MAGI2: variants seen among roughly 807,000 people sequenced by gnomAD.
MAGI2 encodes membrane-associated guanylate kinase, WW and PDZ domain-containing protein 2.
A neutral mutation model predicts 133.3 loss-of-function variants in MAGI2; 35 were observed. The ratio of observed to expected loss-of-function variants is 0.26; its 90% CI spans 0.20 to 0.35. The LOEUF is 0.35. MAGI2 is among the 10% of genes least tolerant of loss of function. The pLI is 1.00. For synonymous variants in MAGI2, 729 were observed against 710.6 expected (o/e 1.03, Z -0.41); for missense variants, 1,636 against 1,863.4 (o/e 0.88, Z 2.25).
chr7:78,303,721 C>T (rs939778445), intron 9 of MAGI2, among the ~76,000 whole-genome samples: 3 of 152,156 alleles, frequency 2.0e-5, no homozygotes, highest in Non-Finnish European at 4.4e-5. Context: ...TGGGAATGCA[C>T]TATGCAAATG....
intron 6 of MAGI2, among the ~76,000 whole-genome samples, chr7:78,437,584 G>C (rs1318026403): frequency 3.3e-5 from 5 of 152,174 alleles, no homozygotes; most frequent in Non-Finnish European, 4.4e-5. Flanking sequence ...GCAGATGGGA[G>C]TCAAGGGTAT....
intron 6 of MAGI2, among the ~76,000 whole-genome samples, chr7:78,402,576 T>C (rs1796991387): frequency 6.6e-6 from 1 of 152,182 alleles, no homozygotes; most frequent in African/African-American, 2.4e-5. Context: ...TTACAAAGTT[T>C]ATGATAATAT....
intron 10 of MAGI2, among the ~76,000 whole-genome samples, chr7:78,240,325 A>C (rs1022110231): frequency 2.0e-5 from 3 of 151,746 alleles, no homozygotes; most frequent in Non-Finnish European, 2.9e-5. Context: ...ATCCTTTTTT[A>C]TGGCTGCATA....
chr7:78,445,271 AATT>A (rs1788019562), intron 6 of MAGI2, among the ~76,000 whole-genome samples: 3 of 152,150 alleles, frequency 2.0e-5, no homozygotes, highest in East Asian at 1.9e-4. Flanking sequence ...AAAAATTTTA[AATT>A]ATTAGGAGCT....
intron 2 of MAGI2, among the ~76,000 whole-genome samples, chr7:78,664,986 G>A (rs1386368392): frequency 6.6e-6 from 1 of 151,836 alleles, no homozygotes; most frequent in Non-Finnish European, 1.5e-5. Flanking sequence ...ATTTCTCTGA[G>A]GCATAATGTC....
chr7:78,893,318 G>A (rs1225325591), intron 2 of MAGI2, among the ~76,000 whole-genome samples: 1 of 152,232 alleles, frequency 6.6e-6, no homozygotes, highest in East Asian at 1.9e-4. Context: ...GGAAGTTGGT[G>A]TGGGAATTCC....
chr7:78,089,501 A>G (rs1462647871), intron 20 of MAGI2, among the ~76,000 whole-genome samples: 1 of 152,240 alleles, frequency 6.6e-6, no homozygotes, highest in East Asian at 1.9e-4. Context: ...CAAGAACAAG[A>G]CAAAAATCAA....
chr7:78,813,125 A>G (rs1393129131), intron 2 of MAGI2, among the ~76,000 whole-genome samples: 1 of 152,148 alleles, frequency 6.6e-6, no homozygotes, highest in African/African-American at 2.4e-5. Context: ...ATTCTCTCAA[A>G]TATTTTAGAA....
chr7:78,821,786 A>G (rs969632515), intron 2 of MAGI2, among the ~76,000 whole-genome samples: 5 of 152,034 alleles, frequency 3.3e-5, no homozygotes, highest in African/African-American at 1.2e-4. Context: ...AATATATCCC[A>G]GGTGTGTTAT....
At chr7:78,295,626 C>A (rs1797151154) in intron 9 of MAGI2, among the ~76,000 whole-genome samples, 1 of 152,168 alleles carries the variant, frequency 6.6e-6, no homozygotes, top group Admixed American at 6.5e-5. Context: ...ACTACACTAG[C>A]AATTGCTAGT....
chr7:78,647,912 C>T lies in MAGI2; in HGVS notation c.419-20673G>A, dbSNP rs113541788. On this transcript the variant is annotated intron_variant, in intron 2 of 21. Transcript: ENST00000354212. The stretch of plus-strand genomic sequence containing the variant: ...ATCACAAGGACAGAAAACCAAACAC[C>T]GCATGTTCTCAGTCACAAGTGGGAG... Among the ~76,000 whole-genome samples the T allele has an allele frequency of 2.3e-3, 352 of 152,182 alleles. 1 individual carries two copies. Among genetic ancestry groups the T allele is most frequent in the African/African-American group, 5.1e-3 (210 of 41,524 alleles).
rs573432513 is a variant in MAGI2 at position 79,037,642 on chromosome 7, TA to T, written c.302-30437del. 7.9e-5 allele frequency among the ~76,000 whole-genome samples: 12 copies of T among 152,320 alleles called. No homozygotes were observed. The South Asian group carries it at 2.5e-3, about 32-fold the overall frequency. On this transcript the variant is annotated intron_variant, in intron 1 of 21. Transcript: ENST00000354212. ...ATACTGAGAAAATGTGATAAAGCCC[TA>T]ATCATCAAATATCTAAGTCAGAGCT...
intron 3 of MAGI2, among the ~76,000 whole-genome samples, chr7:78,562,567 C>A (rs762271518): frequency 6.6e-5 from 10 of 152,090 alleles, no homozygotes; most frequent in Non-Finnish European, 2.9e-5. Flanking sequence ...TTAAGTGACC[C>A]AAACTTAATC....
At chr7:78,557,874 AG>A (rs1799987623) in intron 3 of MAGI2, among the ~76,000 whole-genome samples, 1 of 152,198 alleles carries the variant, frequency 6.6e-6, no homozygotes, top group Non-Finnish European at 1.5e-5. Flanking sequence ...ATGTAAGAAA[AG>A]GATTTCAAAC....
chr7:78,704,727 CAA>C (rs1476965466), intron 2 of MAGI2, among the ~76,000 whole-genome samples: 6 of 148,838 alleles, frequency 4.0e-5, no homozygotes, highest in African/African-American at 1.5e-4. Context: ...CCATGAAAAA[CAA>C]GAAGATCATG....
intron 15 of MAGI2, among the ~76,000 whole-genome samples, chr7:78,163,947 G>A (rs1825364964): frequency 6.6e-6 from 1 of 151,740 alleles, no homozygotes; most frequent in South Asian, 2.1e-4. Context: ...TTTGTAAATA[G>A]GGAGATTTTT....
At chr7:78,213,105 A>G (rs1787931235) in intron 10 of MAGI2, among the ~76,000 whole-genome samples, 1 of 152,240 alleles carries the variant, frequency 6.6e-6, no homozygotes, top group Admixed American at 6.5e-5. Context: ...CTAGTGCTTT[A>G]TAAATTACCA....
At chr7:78,035,594 C>T (rs975986729) in intron 21 of MAGI2, among the ~76,000 whole-genome samples, 5 of 152,128 alleles carry the variant, frequency 3.3e-5, no homozygotes, top group African/African-American at 7.2e-5. Context: ...CCCACTCTCC[C>T]GAGGTTGACT....
intron 21 of MAGI2, 55 bp from the exon 22 acceptor site, chr7:78,020,031 C>G (rs1286572043): frequency 8.3e-6 from 12 of 1,450,956 alleles, no homozygotes; most frequent in Non-Finnish European, 1.1e-5. Flanking sequence ...GTCCCCGTGC[C>G]CTCTCTACGC....
Sources: gnomAD v4.1 joint callset for allele counts (sites outside exome capture counted in the v4.1 genomes callset) on GRCh38, gnomAD v4.1.1 for gene constraint, MANE v1.5 for transcripts, NCBI Gene and HGNC (gene_info 2026-07-23, HGNC 2026-07-21) for gene names.